TSPAN17: variants seen among roughly 807,000 people sequenced by gnomAD.
TSPAN17 encodes the protein tetraspanin 17, also known as tetraspanin-17.
Under a neutral mutation model 40.5 loss-of-function variants are expected in TSPAN17, and 33 were observed. That is an observed-to-expected ratio of 0.81 (90% confidence interval 0.62 to 1.09). The LOEUF is 1.09. TSPAN17 is among the 50% of genes least tolerant of loss of function. The pLI, the probability that TSPAN17 is intolerant of heterozygous loss-of-function variation, is 0.00. For missense variants in TSPAN17, 365 were observed against 416.8 expected (o/e 0.88, Z 1.08); for synonymous variants, 166 against 169.4 (o/e 0.98, Z 0.15).
At chr5:176,656,637 C>A in intron 6 of TSPAN17, 63 bp from the exon 7 acceptor site, 2 of 1,553,604 alleles carry the variant, frequency 1.3e-6, no homozygotes, top group Non-Finnish European at 1.8e-6. Context: ...GCTTGGCAGG[C>A]TGGGAGGGTG....
intron 4 of TSPAN17, 154 bp downstream of exon 4, chr5:176,653,067 C>A (rs569577203): frequency 2.3e-4 from 170 of 747,282 alleles, no homozygotes; most frequent in Non-Finnish European, 3.2e-4. Context: ...CCGAGGAGAG[C>A]CAGCCCCTGC....
intron 1 of TSPAN17, among the ~76,000 whole-genome samples, chr5:176,649,005 G>C (rs995770260): frequency 6.6e-6 from 1 of 152,154 alleles, no homozygotes; most frequent in Non-Finnish European, 1.5e-5. Context: ...AATACCGAGG[G>C]GGAGCAGGCG....
Position 176,651,797 on chromosome 5 carries a change from T to C in TSPAN17, c.182T>C (p.Leu61Pro), listed in dbSNP as rs1167392244. Residue 61 changes from leucine (L) to proline (P), a missense_variant, in exon 3 of 9, where the codon CTT (leucine) becomes CCT (proline). Coordinates refer to ENST00000508164, the MANE Select transcript of TSPAN17 (RefSeq NM_130465.5). This position sits in a 1 kb window ranked among gnomAD's most constrained non-coding sequence, Gnocchi z 4.5. ...NISALTDLGG[L>P]DPVWLFVVVG... ...TCAGCGCTGACAGATCTGGGAGGCC[T>C]TGACCCCGTGTGGCTGTTTGTGGTA... 5 of 1,614,034 alleles carry C rather than the reference T, an allele frequency of 3.1e-6. No homozygotes were observed. The highest frequency in any genetic ancestry group is 4.2e-6 in the Non-Finnish European group (5 of 1,180,012).
At chr5:176,657,054 C>T in intron 8 of TSPAN17, 98 bp downstream of exon 8, 2 of 1,262,264 alleles carry the variant, frequency 1.6e-6, no homozygotes, top group Non-Finnish European at 2.2e-6. Flanking sequence ...GGCAAGGCTG[C>T]AGGAGATGTT....
chr5:176,654,881 C>T lies in TSPAN17; in HGVS notation c.457-14C>T, dbSNP rs537935506. On this transcript the variant is annotated splice_polypyrimidine_tract_variant and intron_variant, in intron 4 of 8. Transcript: ENST00000508164. The surrounding 1 kb of genome is among the most constrained non-coding windows in gnomAD (Gnocchi z 4.3). ...TGGGCCTGGCTCACCTGGGGCTCTCCCCTGCCCCCACAGTGGTCTTGCTGC... is the reference window on the plus strand; with the variant it reads ...TGGGCCTGGCTCACCTGGGGCTCTCTCCTGCCCCCACAGTGGTCTTGCTGC... 6.2e-7 allele frequency: 1 copy of T among 1,613,218 alleles called. No individual in the cohort carries two copies. The highest frequency in any genetic ancestry group is 2.2e-5 in the East Asian group (1 of 44,864).
At chr5:176,656,867 C>T (rs1222879736) in intron 7 of TSPAN17, 28 bp from the exon 8 acceptor site, 8 of 1,614,096 alleles carry the variant, frequency 5.0e-6, no homozygotes, top group African/African-American at 1.3e-5. Flanking sequence ...CGCCCTCACT[C>T]TCCCCTCACC....
intron 6 of TSPAN17, 84 bp downstream of exon 6, chr5:176,656,209 G>C: frequency 1.4e-6 from 2 of 1,440,038 alleles, no homozygotes; most frequent in Non-Finnish European, 1.9e-6. Context: ...CCTCTGGAAG[G>C]CCTCAGGGAT....
chr5:176,651,801 C>T lies in TSPAN17; in HGVS notation c.186C>T (p.Asp62=). 2 of 1,614,146 alleles carry T rather than the reference C, an allele frequency of 1.2e-6. No homozygotes were observed. Among genetic ancestry groups the T allele is most frequent in the Non-Finnish European group, 1.7e-6 (2 of 1,180,018 alleles). Residue 62 remains aspartate, a synonymous_variant, in exon 3 of 9, where the codon GAC becomes GAT. Coordinates refer to ENST00000508164, the MANE Select transcript of TSPAN17 (RefSeq NM_130465.5). This position sits in a 1 kb window ranked among gnomAD's most constrained non-coding sequence, Gnocchi z 4.5. The part of the protein sequence containing the change: ...ISALTDLGGL[D]PVWLFVVVGG... ...CGCTGACAGATCTGGGAGGCCTTGACCCCGTGTGGCTGTTTGTGGTAGTTG... is the reference window on the plus strand; with the variant it reads ...CGCTGACAGATCTGGGAGGCCTTGATCCCGTGTGGCTGTTTGTGGTAGTTG...
Position 176,657,859 on chromosome 5 carries a change from C to T in TSPAN17, c.*161C>T, listed in dbSNP as rs1249407263. 7.5e-7 allele frequency: 1 copy of T among 1,326,238 alleles called. No individual in the cohort carries two copies. Among genetic ancestry groups the T allele is most frequent in the Middle Eastern group, 2.7e-4 (1 of 3,648 alleles). The allele number at this position is 1,326,238 out of a possible 1,614,324, so 82.2% of individuals were successfully genotyped here. ...CTAAGTGCCGCCTGACCCTTGTACA[C>T]TAGGAGCTGGCCTCCCACCTCTGCA... On this transcript the variant is annotated 3_prime_UTR_variant, in exon 9 of 9. Coordinates refer to ENST00000508164, the MANE Select transcript of TSPAN17 (RefSeq NM_130465.5).
chr5:176,651,729 C>A lies in TSPAN17; in HGVS notation c.139-25C>A. The A allele has an allele frequency of 6.2e-7, 1 of 1,614,048 alleles. No homozygotes were observed. The highest frequency in any genetic ancestry group is 1.1e-5 in the South Asian group (1 of 91,080). On this transcript the variant is annotated intron_variant, in intron 2 of 8. Transcript: ENST00000508164. This position sits in a 1 kb window ranked among gnomAD's most constrained non-coding sequence, Gnocchi z 4.5. ...AGGTGGTGGGAAGGTCAGCTCCCCA[C>A]ACCTGCCTCTGCTGCCCGGCACAGG...
At chr5:176,647,844 C>T in intron 1 of TSPAN17, 142 bp downstream of exon 1, 1 of 745,466 alleles carries the variant, frequency 1.3e-6, no homozygotes, top group Non-Finnish European at 2.0e-6. Context: ...CCCACGCCCA[C>T]TTCCAGGACC....
Position 176,651,694 on chromosome 5 carries a change from G to C in TSPAN17, c.138+28G>C, listed in dbSNP as rs1258043475. On this transcript the variant is annotated intron_variant, in intron 2 of 8. Transcript: ENST00000508164. This position sits in a 1 kb window ranked among gnomAD's most constrained non-coding sequence, Gnocchi z 4.5. ...AAGGCAGCGGGCGGGCGTGGAGCTG[G>C]TATGGGACGAGGTGGTGGGAAGGTC... is the stretch of plus-strand genomic sequence containing the variant. The C allele has an allele frequency of 1.2e-6, 2 of 1,614,072 alleles. No homozygotes were observed. Among genetic ancestry groups the C allele is most frequent in the South Asian group, 2.2e-5 (2 of 91,074 alleles).
At chr5:176,655,312 G>A (rs73806065) in intron 5 of TSPAN17, among the ~76,000 whole-genome samples, 1,752 of 152,298 alleles carry the variant, frequency 0.012, 42 homozygotes, top group African/African-American at 0.04. Context: ...CACAGCCGCA[G>A]CCATTGTCTG....
In TSPAN17 at chr5:176,651,955, T is replaced by A; in HGVS notation, c.285+55T>A. On this transcript the variant is annotated intron_variant, in intron 3 of 8. Coordinates refer to ENST00000508164, the MANE Select transcript of TSPAN17 (RefSeq NM_130465.5). This position sits in a 1 kb window ranked among gnomAD's most constrained non-coding sequence, Gnocchi z 4.5. ...ACCCCCATCTCCTCCCATCCAGTTC[T>A]TGCAATACAGTTGGAGCTTAATGAT... 6.2e-7 allele frequency: 1 copy of A among 1,605,016 alleles called. No individual in the cohort carries two copies. Among genetic ancestry groups the A allele is most frequent in the Non-Finnish European group, 8.5e-7 (1 of 1,175,738 alleles).
chr5:176,652,656 G>A (rs1761013722), intron 3 of TSPAN17, 87 bp from the exon 4 acceptor site: 2 of 1,352,638 alleles, frequency 1.5e-6, no homozygotes, highest in South Asian at 2.6e-5. Flanking sequence ...GGTAGGGATG[G>A]AGCCCTTCCC....
In TSPAN17 at chr5:176,649,998, A is replaced by G. The variant is rs1474905927; in HGVS notation, c.88-1618A>G. ...CCCCCATCTCGTCGCCCCGCTCGATATTTGTTAAGGGGTCTGTTTGCATCT... is the reference window on the plus strand; with the variant it reads ...CCCCCATCTCGTCGCCCCGCTCGATGTTTGTTAAGGGGTCTGTTTGCATCT... On this transcript the variant is annotated intron_variant, in intron 1 of 8. Coordinates refer to ENST00000508164, the MANE Select transcript of TSPAN17 (RefSeq NM_130465.5). Among the ~76,000 whole-genome samples the G allele has an allele frequency of 2.6e-5, 4 of 151,964 alleles. No homozygotes were observed. In the East Asian group the frequency reaches 5.8e-4, roughly 22 times the overall value.
chr5:176,656,165 G>A (rs1164556591), intron 6 of TSPAN17, 40 bp downstream of exon 6: 1 of 1,610,004 alleles, frequency 6.2e-7, no homozygotes. Context: ...GGCAGGCAGG[G>A]GTACTGGGTT....
intron 1 of TSPAN17, among the ~76,000 whole-genome samples, chr5:176,649,992 CTCGATATTTGTTAAGGGG>C (rs1760903251): frequency 6.6e-6 from 1 of 152,208 alleles, no homozygotes; most frequent in Non-Finnish European, 1.5e-5. Flanking sequence ...CGTCGCCCCG[CTCGATATTTGTTAAGGGG>C]TCTGTTTGCA....
chr5:176,651,128 G>T lies in TSPAN17; in HGVS notation c.88-488G>T, dbSNP rs941744196. Among the ~76,000 whole-genome samples, 1 of 152,176 alleles carries T rather than the reference G, an allele frequency of 6.6e-6. No individual in the cohort carries two copies. The highest frequency in any genetic ancestry group is 1.5e-5 in the Non-Finnish European group (1 of 68,018). The stretch of plus-strand genomic sequence containing the variant: ...CTGACTCTGGCAGGCGGAGGTTAAA[G>T]GGGTAGGATGGGGCTGGGCTGGGGA... On this transcript the variant is annotated intron_variant, in intron 1 of 8. Transcript: ENST00000508164. The surrounding 1 kb of genome is among the most constrained non-coding windows in gnomAD (Gnocchi z 4.5).
Sources: allele counts gnomAD v4.1 joint callset (sites outside exome capture counted in the v4.1 genomes callset), GRCh38; gene constraint gnomAD v4.1.1; non-coding constraint Gnocchi (gnomAD v3.1); transcripts MANE v1.5; gene names NCBI Gene and HGNC (gene_info 2026-07-23, HGNC 2026-07-21).